RABL6: variants seen among roughly 807,000 people sequenced by gnomAD.
RABL6 encodes rab-like protein 6.
A neutral mutation model predicts 72.9 loss-of-function variants in RABL6; 28 were observed. That is an observed-to-expected ratio of 0.38 (90% CI 0.28 to 0.53). The LOEUF (loss-of-function observed/expected upper bound fraction) is 0.53, where lower values mean the gene tolerates loss of function less well. RABL6 is among the 20% of genes least tolerant of loss of function. The pLI is 0.80. For synonymous variants in RABL6, 477 were observed against 421.2 expected, an observed-to-expected ratio of 1.13 and a Z score of -1.62; for missense variants, 1,029 against 1,008.4, an observed-to-expected ratio of 1.02 and a Z score of -0.28.
intron 1 of RABL6, among the ~76,000 whole-genome samples, chr9:136,811,193 G>A (rs1848004024): frequency 6.6e-6 from 1 of 152,178 alleles, no homozygotes; most frequent in Non-Finnish European, 1.5e-5. Flanking sequence ...CCAAGGTGGA[G>A]GGCACAGCTT....
In RABL6 at chr9:136,821,294, G is replaced by C. The variant is rs559893799; in HGVS notation, c.131-2231G>C. 1.2e-5 allele frequency: 12 copies of C among 981,578 alleles called. No individual in the cohort carries two copies. The South Asian group carries it at 5.2e-4, about 42-fold the overall frequency. The allele number at this position is 981,578 out of a possible 1,614,324, so 60.8% of individuals were successfully genotyped here. A position where few individuals can be genotyped will look rare whatever the true frequency, so the allele number is the denominator to read the frequency against. ...CCGCGGGAAAACGGGCGGTCGCTGTGACCGTCTCTGCGCTCTCCGCGTTGC... is the reference window on the plus strand; with the variant it reads ...CCGCGGGAAAACGGGCGGTCGCTGTCACCGTCTCTGCGCTCTCCGCGTTGC... On this transcript the variant is annotated intron_variant, in intron 1 of 14. Transcript: ENST00000311502.
intron 4 of RABL6, 99 bp downstream of exon 4, chr9:136,828,645 G>C: frequency 3.8e-6 from 5 of 1,322,320 alleles, no homozygotes; most frequent in Non-Finnish European, 5.4e-6. Context: ...AACCACCCCA[G>C]TTATGCTGTG....
chr9:136,826,303 C>T lies in RABL6; in HGVS notation c.313+477C>T, dbSNP rs932593826. ...CCAGCCCCCGGGGTGTCCTCGACAT[C>T]GTTGGTCTCCTCCTCAGCCACAAGG... On this transcript the variant is annotated intron_variant, in intron 3 of 14. Coordinates refer to ENST00000311502, the MANE Select transcript of RABL6 (RefSeq NM_024718.5). The surrounding 1 kb of genome is among the most constrained non-coding windows in gnomAD (Gnocchi z 4.9). Among the ~76,000 whole-genome samples, 8 of 152,170 alleles carry T rather than the reference C, an allele frequency of 5.3e-5. No individual in the cohort carries two copies. Among genetic ancestry groups the T allele is most frequent in the African/African-American group, 1.7e-4 (7 of 41,444 alleles).
At chr9:136,830,223 TACTTGGGAAGACCCCCAC>T (rs905055230) in intron 5 of RABL6, among the ~76,000 whole-genome samples, 4 of 152,220 alleles carry the variant, frequency 2.6e-5, no homozygotes, top group Admixed American at 1.3e-4. Context: ...CAGCTTCTCT[TACTTGGGAAGACCCCCAC>T]ACCAGGGTTA....
chr9:136,837,048 T>G, intron 8 of RABL6: 1 of 509,332 alleles, frequency 2.0e-6, no homozygotes, highest in African/African-American at 1.9e-5. Flanking sequence ...TAATTTTTTT[T>G]GTATTTTTAG....
chr9:136,828,959 C>T (rs575275318), intron 4 of RABL6, among the ~76,000 whole-genome samples: 22 of 152,338 alleles, frequency 1.4e-4, no homozygotes, highest in Non-Finnish European at 1.9e-4. Flanking sequence ...ACTCTCCGTG[C>T]GGTGCCTCCC....
At chr9:136,821,883 G>A (rs992675760) in intron 1 of RABL6, 3 of 1,269,506 alleles carry the variant, frequency 2.4e-6, no homozygotes, top group Non-Finnish European at 3.1e-6. Flanking sequence ...GCCCCCAGCC[G>A]GTGCGGCCGC....
chr9:136,821,642 C>T, intron 1 of RABL6: 1 of 988,452 alleles, frequency 1.0e-6, no homozygotes, highest in Non-Finnish European at 1.2e-6. Flanking sequence ...GGGAGGGCGC[C>T]GCGGCCCGTC....
At chr9:136,825,069 G>A (rs978161688) in intron 2 of RABL6, among the ~76,000 whole-genome samples, 4 of 152,172 alleles carry the variant, frequency 2.6e-5, no homozygotes, top group East Asian at 1.9e-4. Flanking sequence ...TCCCCAGCAC[G>A]CCCCACAACA....
At chr9:136,823,797 C>A in intron 2 of RABL6, 138 bp downstream of exon 2, 1 of 1,185,450 alleles carries the variant, frequency 8.4e-7, no homozygotes. Context: ...ACGTGGGGGC[C>A]CTGGCGTGAA....
intron 1 of RABL6, chr9:136,809,049 TTCCCAG>T (rs1847943297): frequency 6.6e-6 from 1 of 152,248 alleles, no homozygotes; most frequent in Non-Finnish European, 1.5e-5. Flanking sequence ...TGCGGGCTCT[TTCCCAG>T]TAGTTTTTGA....
intron 1 of RABL6, chr9:136,815,262 G>A: frequency 3.4e-6 from 1 of 298,464 alleles, no homozygotes; most frequent in Non-Finnish European, 6.7e-6. Flanking sequence ...TCCCTTCTTG[G>A]CAGGTGTGGC....
At position 136,822,891 on chromosome 9, in the gene RABL6, A is replaced by C. The variant is rs866948452; in HGVS notation, c.131-634A>C. 8.1e-4 allele frequency among the ~76,000 whole-genome samples: 123 copies of C among 152,270 alleles called. No individual in the cohort carries two copies. The Middle Eastern group carries it at 0.014, about 17-fold the overall frequency. ...ATCACGAGGTCAGGAGATCGAGACC[A>C]CCCTGGCTAACACGGTGAAACCCCG... On this transcript the variant is annotated intron_variant, in intron 1 of 14. Coordinates refer to ENST00000311502, the MANE Select transcript of RABL6 (RefSeq NM_024718.5).
At position 136,837,680 on chromosome 9, in the gene RABL6, C is replaced by A; in HGVS notation, c.1126+18C>A. ...ACCTCCAGGTAGGCCCTGGAGCTGCCCCTCCCAAACTGGTCCCAGACCCCC... is the reference window on the plus strand; with the variant it reads ...ACCTCCAGGTAGGCCCTGGAGCTGCACCTCCCAAACTGGTCCCAGACCCCC... On this transcript the variant is annotated intron_variant, in intron 9 of 14. Coordinates refer to ENST00000311502, the MANE Select transcript of RABL6 (RefSeq NM_024718.5). 3.2e-6 allele frequency: 5 copies of A among 1,563,542 alleles called. No individual in the cohort carries two copies. Among genetic ancestry groups the A allele is most frequent in the Non-Finnish European group, 4.3e-6 (5 of 1,155,160 alleles).
intron 1 of RABL6, among the ~76,000 whole-genome samples, chr9:136,811,737 A>G (rs1170173153): frequency 6.6e-6 from 1 of 151,846 alleles, no homozygotes; most frequent in Non-Finnish European, 1.5e-5. Flanking sequence ...AGCAGTCCGA[A>G]CCCCTTGGCC....
Position 136,834,021 on chromosome 9 carries a change from C to T in RABL6, c.705+1651C>T, listed in dbSNP as rs1475916840. 8 of 1,478,702 alleles carry T rather than the reference C, an allele frequency of 5.4e-6. No individual in the cohort carries two copies. The Admixed American group carries it at 1.9e-4, about 35-fold the overall frequency. 91.6% of individuals were successfully genotyped at this position (1,478,702 alleles called of 1,614,324 possible). On this transcript the variant is annotated intron_variant, in intron 7 of 14. Coordinates refer to ENST00000311502, the MANE Select transcript of RABL6 (RefSeq NM_024718.5). ...GAGAGAACGGGACCCTGGACAGAGT[C>T]TTGAGCTGGAAGCGTAGGGCTGAGC...
At chr9:136,837,178 A>G in intron 8 of RABL6, 168 bp from the exon 9 acceptor site, 2 of 811,700 alleles carry the variant, frequency 2.5e-6, no homozygotes, top group Non-Finnish European at 4.2e-6. Context: ...CCTGGCTGGC[A>G]CTGCTGCCCT....
intron 7 of RABL6, chr9:136,835,479 T>G: frequency 4.6e-6 from 2 of 433,962 alleles, no homozygotes; most frequent in Non-Finnish European, 8.3e-6. Flanking sequence ...GCTGTTGAGG[T>G]TTATGCCTGT....
At chr9:136,822,972 C>T (rs922682226) in intron 1 of RABL6, among the ~76,000 whole-genome samples, 3 of 151,976 alleles carry the variant, frequency 2.0e-5, no homozygotes, top group South Asian at 2.1e-4. Flanking sequence ...CCTGTAGTCC[C>T]AGCTACTCGG....
Sources: allele counts gnomAD v4.1 joint callset (sites outside exome capture counted in the v4.1 genomes callset), GRCh38; gene constraint gnomAD v4.1.1; non-coding constraint Gnocchi (gnomAD v3.1); transcripts MANE v1.5; gene names NCBI Gene and HGNC (gene_info 2026-07-23, HGNC 2026-07-21).